The following NUCB2 variants were observed in gnomAD, a reference collection of about 807,000 sequenced individuals.
NUCB2 encodes nucleobindin 2, also known as nucleobindin-2.
In NUCB2, 48 loss-of-function variants were observed where a neutral mutation model predicts 57.9. The observed-to-expected ratio is 0.83, with a 90% CI of 0.66 to 1.05. The LOEUF (loss-of-function observed/expected upper bound fraction) is 1.05, where lower values mean the gene tolerates loss of function less well. NUCB2 is among the 50% of genes least tolerant of loss of function. NUCB2 has a pLI of 0.00. For missense variants in NUCB2, 442 were observed against 476.2 expected (o/e 0.93, Z 0.67); for synonymous variants, 139 against 152.1 (o/e 0.91, Z 0.64).
chr11:17,330,898 C>T lies in NUCB2; in HGVS notation c.1174-4C>T, dbSNP rs1183593351. The T allele has an allele frequency of 1.3e-6, 2 of 1,562,878 alleles. No individual in the cohort carries two copies. Among genetic ancestry groups the T allele is most frequent in the Non-Finnish European group, 1.8e-6 (2 of 1,133,980 alleles). ...ACTTTTAACTTTCATTTTCCATTCA[C>T]CAGGTCATACAGCAGATGGAACAAA... On this transcript the variant is annotated splice_region_variant and splice_polypyrimidine_tract_variant and intron_variant, in intron 12 of 13. Transcript: ENST00000529010. This position sits in a 1 kb window ranked among gnomAD's most constrained non-coding sequence, Gnocchi z 4.3.
rs994427746 is a variant in NUCB2, at chr11:17,315,577, T to C, written c.1002+102T>C. The C allele has an allele frequency of 1.6e-5, 9 of 546,508 alleles. No homozygotes were observed. The African/African-American group carries it at 1.7e-4, about 10-fold the overall frequency. 33.9% of individuals were successfully genotyped at this position (546,508 alleles called of 1,614,324 possible). A position where few individuals can be genotyped will look rare whatever the true frequency, so the allele number is the denominator to read the frequency against. On this transcript the variant is annotated intron_variant, in intron 11 of 13. Coordinates refer to ENST00000529010, the MANE Select transcript of NUCB2 (RefSeq NM_005013.4). ...CCCCATTATGTTTGCATGTATAGTC[T>C]TACTATCTTGGGATTTTTATATAAA...
chr11:17,289,502 G>A (rs117800986), intron 2 of NUCB2, among the ~76,000 whole-genome samples: 1,600 of 152,138 alleles, frequency 0.011, 14 homozygotes, highest in South Asian at 0.03. Flanking sequence ...TCAGATACAC[G>A]CTCTCAGAAT....
intron 10 of NUCB2, among the ~76,000 whole-genome samples, chr11:17,312,459 A>G (rs910068944): frequency 1.2e-4 from 18 of 151,140 alleles, no homozygotes; most frequent in African/African-American, 1.2e-4. Context: ...GTTGGAGTGC[A>G]GTGGCGCGAC....
At position 17,285,564 on chromosome 11, in the gene NUCB2, G is replaced by A. The variant is rs534939207; in HGVS notation, c.-1+2621G>A. Among the ~76,000 whole-genome samples, 27 of 144,804 alleles carry A rather than the reference G, an allele frequency of 1.9e-4. No individual in the cohort carries two copies. The East Asian group carries it at 5.1e-3, about 27-fold the overall frequency. The allele number at this position is 144,804 out of a possible 152,430, so 95.0% of individuals were successfully genotyped here. On this transcript the variant is annotated intron_variant, in intron 2 of 13. Coordinates refer to ENST00000529010, the MANE Select transcript of NUCB2 (RefSeq NM_005013.4). ...TGCACTCCAGCCTGTGCAACAGAGCGAGACACTGTCTCAAAAAAAAAAAAA... is the reference window on the plus strand; with the variant it reads ...TGCACTCCAGCCTGTGCAACAGAGCAAGACACTGTCTCAAAAAAAAAAAAA...
At chr11:17,346,921 T>G (rs1474174024) in intron 2 of NUCB2, among the ~76,000 whole-genome samples, 1 of 152,160 alleles carries the variant, frequency 6.6e-6, no homozygotes, top group African/African-American at 2.4e-5. Context: ...ATTAAATCAT[T>G]GCAACGATAG....
intron 5 of NUCB2, among the ~76,000 whole-genome samples, chr11:17,307,958 G>A (rs1351513411): frequency 6.6e-6 from 1 of 152,144 alleles, no homozygotes; most frequent in African/African-American, 2.4e-5. Flanking sequence ...AGATAGTATA[G>A]CAGTGCAGTT....
intron 2 of NUCB2, among the ~76,000 whole-genome samples, chr11:17,340,477 T>G (rs1189229989): frequency 6.6e-6 from 1 of 152,134 alleles, no homozygotes; most frequent in Non-Finnish European, 1.5e-5. Flanking sequence ...GTTTTTATGG[T>G]TTTAGGTCTA....
chr11:17,305,887 A>T (rs1467677790), intron 5 of NUCB2, among the ~76,000 whole-genome samples: 1 of 152,028 alleles, frequency 6.6e-6, no homozygotes, highest in Non-Finnish European at 1.5e-5. Context: ...TGGCCTCCTA[A>T]AGTGCAGGGA....
intron 1 of NUCB2, among the ~76,000 whole-genome samples, chr11:17,278,170 C>CTTTTTTTTT (rs35441492): frequency 4.7e-5 from 4 of 85,144 alleles, no homozygotes; most frequent in South Asian, 4.8e-4. Flanking sequence ...TTTTACCCAT[C>CTTTTTTTTT]TTTTTTTTTT....
At chr11:17,283,062 T>TTTA (rs1943022837) in intron 2 of NUCB2, 119 bp downstream of exon 2, 1 of 152,212 alleles carries the variant, frequency 6.6e-6, no homozygotes, top group Non-Finnish European at 1.5e-5. Flanking sequence ...ACATGCAATA[T>TTTA]TTATTTTTTA....
intron 13 of NUCB2, 127 bp downstream of exon 13, chr11:17,331,110 T>C: frequency 3.9e-6 from 3 of 765,886 alleles, no homozygotes; most frequent in Non-Finnish European, 6.1e-6. Flanking sequence ...TTTTTTGTGG[T>C]ATTAGAGCAA....
intron 2 of NUCB2, among the ~76,000 whole-genome samples, chr11:17,345,567 C>T (rs542321352): frequency 1.3e-3 from 203 of 151,982 alleles, no homozygotes; most frequent in African/African-American, 4.6e-3. Flanking sequence ...ATTAGCCGGG[C>T]GTGGTGGTGG....
chr11:17,294,601 T>TA (rs760846399), intron 2 of NUCB2, among the ~76,000 whole-genome samples: 4 of 151,214 alleles, frequency 2.6e-5, no homozygotes, highest in Non-Finnish European at 5.9e-5. Flanking sequence ...CCTGTGTATG[T>TA]ACCACCTAGG....
chr11:17,279,875 G>A (rs980175826), intron 1 of NUCB2, among the ~76,000 whole-genome samples: 2 of 148,706 alleles, frequency 1.3e-5, no homozygotes, highest in Non-Finnish European at 3.0e-5. Context: ...CTGCAGCCTG[G>A]AACTGCCAGG....
intron 5 of NUCB2, 69 bp from the exon 6 acceptor site, chr11:17,309,503 C>T (rs1948170430): frequency 3.4e-6 from 3 of 879,172 alleles, no homozygotes; most frequent in Admixed American, 5.3e-5. Context: ...AAATCTTTTT[C>T]TTGTGTATAA....
chr11:17,338,408 C>A lies in NUCB2; in HGVS notation n.2626+874C>A, dbSNP rs138101967. On this transcript the variant is annotated intron_variant and non_coding_transcript_variant, in intron 2 of 2. Transcript: ENST00000532240. ...AGTGCACTTCTCTTTCTCTGCTCCA[C>A]CCTCTGGTTACCATCAAAGCTCTGC... Among the ~76,000 whole-genome samples, 218 of 152,264 alleles carry A rather than the reference C, an allele frequency of 1.4e-3. 1 individual carries two copies. Among genetic ancestry groups the A allele is most frequent in the African/African-American group, 5.1e-3 (211 of 41,544 alleles).
At chr11:17,344,657 ATC>A (rs752720832) in intron 2 of NUCB2, among the ~76,000 whole-genome samples, 12 of 152,200 alleles carry the variant, frequency 7.9e-5, no homozygotes, top group Non-Finnish European at 1.3e-4. Context: ...CAAGCTATTG[ATC>A]TTTTCTCTAA....
In NUCB2 at chr11:17,311,225, A is replaced by G; in HGVS notation, c.702A>G (p.Glu234=). The G allele has an allele frequency of 6.2e-7, 1 of 1,609,848 alleles. No individual in the cohort carries two copies. Among genetic ancestry groups the G allele is most frequent in the Non-Finnish European group, 8.5e-7 (1 of 1,178,780 alleles). The change falls in exon 8 of 14, where the codon GAA becomes GAG. Residue 234 remains glutamate (E), a synonymous_variant. Transcript: ENST00000529010. ...AAGATCAACTAAAAGAGGTATGGGAAGAGACTGATGGATTGGATCCTAATG... is the reference window on the plus strand; with the variant it reads ...AAGATCAACTAAAAGAGGTATGGGAGGAGACTGATGGATTGGATCCTAATG... ...GSKDQLKEVW[E]ETDGLDPNDF... is the part of the protein sequence containing the mutation.
intron 2 of NUCB2, among the ~76,000 whole-genome samples, chr11:17,285,441 G>C (rs1354430782): frequency 2.0e-5 from 3 of 152,122 alleles, no homozygotes; most frequent in Admixed American, 2.0e-4. Context: ...GCCAGGCATG[G>C]TGGCATGCGC....
Sources: gnomAD v4.1 joint callset for allele counts (sites outside exome capture counted in the v4.1 genomes callset) on GRCh38, gnomAD v4.1.1 for gene constraint, Gnocchi (gnomAD v3.1) non-coding constraint, MANE v1.5 for transcripts, NCBI Gene and HGNC (gene_info 2026-07-23, HGNC 2026-07-21) for gene names.